AVL9: variants seen among roughly 807,000 people sequenced by gnomAD.
AVL9 encodes AVL9 cell migration associated.
AVL9 carries 49 observed loss-of-function variants against 79.2 expected under a neutral mutation model. That is an observed-to-expected ratio of 0.62 (90% CI 0.49 to 0.79). AVL9 has a LOEUF of 0.79. AVL9 is among the 30% of genes least tolerant of loss of function. The pLI, the probability that AVL9 is intolerant of heterozygous loss-of-function variation, is 0.00. For synonymous variants in AVL9, 299 were observed against 280.6 expected (o/e 1.07, Z -0.65); for missense variants, 682 against 776.8 (o/e 0.88, Z 1.45).
At chr7:32,556,484 A>G (rs1583570403) in intron 8 of AVL9, among the ~76,000 whole-genome samples, 2 of 152,214 alleles carry the variant, frequency 1.3e-5, no homozygotes, top group East Asian at 3.9e-4. Context: ...ACTGCACTCT[A>G]GCCTGGGTGA....
chr7:32,523,826 T>G (rs1175608574), intron 1 of AVL9, among the ~76,000 whole-genome samples: 2 of 149,950 alleles, frequency 1.3e-5, no homozygotes, highest in Non-Finnish European at 3.0e-5. Context: ...CTCCGCCTCC[T>G]GGGTTCACAC....
At chr7:32,565,481 C>G (rs886998750) in intron 10 of AVL9, among the ~76,000 whole-genome samples, 11 of 151,088 alleles carry the variant, frequency 7.3e-5, no homozygotes, top group African/African-American at 2.4e-4. Flanking sequence ...ATCGCTTGAA[C>G]CCAGGAGGCA....
chr7:32,565,338 T>A (rs543455811), intron 10 of AVL9, among the ~76,000 whole-genome samples: 3 of 152,242 alleles, frequency 2.0e-5, no homozygotes, highest in African/African-American at 7.2e-5. Context: ...GGCAGGCGGA[T>A]CACCTAAGAT....
intron 15 of AVL9, among the ~76,000 whole-genome samples, chr7:32,581,913 A>G (rs1791527837): frequency 6.6e-6 from 1 of 152,326 alleles, no homozygotes; most frequent in East Asian, 1.9e-4. Context: ...AACTCTGTCA[A>G]ATGTTTAAGG....
chr7:32,548,144 C>CTCTCTTTTTTTTTTTTTTTTTTTTTT (rs1227025763), intron 3 of AVL9, among the ~76,000 whole-genome samples: 1 of 57,598 alleles, frequency 1.7e-5, no homozygotes, highest in African/African-American at 5.4e-5. Flanking sequence ...TTTGTCATCT[C>CTCTCTTTTTTTTTTTTTTTTTTTTTT]TTTTTTCTTT....
At chr7:32,538,420 A>G (rs1160583057) in intron 1 of AVL9, 1 of 152,196 alleles carries the variant, frequency 6.6e-6, no homozygotes, top group African/African-American at 2.4e-5. Flanking sequence ...ATCATTTAGA[A>G]AATTGTTTTT....
At position 32,579,485 on chromosome 7, in the gene AVL9, AATATATTAC is replaced by A. The variant is rs1791322693; in HGVS notation, c.1689-729_1689-721del. Among the ~76,000 whole-genome samples the A allele has an allele frequency of 3.2e-3, 5 of 1,548 alleles. 1 individual carries two copies. The highest frequency in any genetic ancestry group is 4.8e-3 in the Non-Finnish European group (5 of 1,032). 1.0% of individuals were successfully genotyped at this position (1,548 alleles called of 152,430 possible). On this transcript the variant is annotated intron_variant, in intron 13 of 15. Coordinates refer to ENST00000318709, the MANE Select transcript of AVL9 (RefSeq NM_015060.3). ...ATATATAATATATTATATTATATAT[AATATATTAC>A]ATATTATATATTATATATTATATTA...
intron 13 of AVL9, among the ~76,000 whole-genome samples, chr7:32,576,767 CA>C (rs1791121333): frequency 6.6e-6 from 1 of 151,946 alleles, no homozygotes; most frequent in Admixed American, 6.6e-5. Flanking sequence ...GCCTGGGTAA[CA>C]AGAGGGAGAC....
chr7:32,544,312 A>G (rs181369174), intron 2 of AVL9, among the ~76,000 whole-genome samples: 85 of 152,312 alleles, frequency 5.6e-4, no homozygotes, highest in African/African-American at 1.9e-3. Context: ...CTAACATCCA[A>G]TCTGTGTTCA....
rs769258308 is a variant in AVL9 at position 32,543,134 on chromosome 7, A to G, written c.94-7A>G. ...CACCTTTTGGCTAACATTCCTTACTATTTTAGGTTGAATTCTCTTACCCGC... is the reference window on the plus strand; with the variant it reads ...CACCTTTTGGCTAACATTCCTTACTGTTTTAGGTTGAATTCTCTTACCCGC... On this transcript the variant is annotated splice_polypyrimidine_tract_variant and splice_region_variant and intron_variant, in intron 1 of 15. Transcript: ENST00000318709. 2 of 1,613,550 alleles carry G rather than the reference A, an allele frequency of 1.2e-6. No homozygotes were observed. Among genetic ancestry groups the G allele is most frequent in the Non-Finnish European group, 1.7e-6 (2 of 1,179,888 alleles).
At position 32,586,258 on chromosome 7, in the gene AVL9, T is replaced by C. The variant is rs1487360886; in HGVS notation, c.*2351T>C. On this transcript the variant is annotated 3_prime_UTR_variant, in exon 16 of 16. Transcript: ENST00000318709. ...TAGCTAAGAGTTTGACTCTTAGTGG[T>C]CACTTTACTGACTTTCCAACATAAA... 1 of 152,254 alleles carries C rather than the reference T, an allele frequency of 6.6e-6. No homozygotes were observed. Among genetic ancestry groups the C allele is most frequent in the Non-Finnish European group, 1.5e-5 (1 of 68,054 alleles). The allele number at this position is 152,254 out of a possible 1,614,324, so 9.4% of individuals were successfully genotyped here.
intron 3 of AVL9, among the ~76,000 whole-genome samples, chr7:32,547,329 A>G (rs570895412): frequency 2.6e-4 from 40 of 152,236 alleles, no homozygotes; most frequent in Non-Finnish European, 4.9e-4. Context: ...CTATGTGCAC[A>G]AATAGGGAAA....
At position 32,543,151 on chromosome 7, in the gene AVL9, C is replaced by T. The variant is rs1210060829; in HGVS notation, c.104C>T (p.Ser35Phe). The T allele has an allele frequency of 6.2e-7, 1 of 1,613,978 alleles. No individual in the cohort carries two copies. Residue 35 changes from serine (S) to phenylalanine (F), a missense_variant, in exon 2 of 16, where the codon TCT (serine) becomes TTT (phenylalanine). Transcript: ENST00000318709. The part of the protein sequence containing the change: ...HHKKGCQVEF[S>F]YPPLIPGDGH... ...TCCTTACTATTTTAGGTTGAATTCT[C>T]TTACCCGCCCCTGATTCCAGGAGAT... is the stretch of plus-strand genomic sequence containing the variant.
intron 15 of AVL9, among the ~76,000 whole-genome samples, chr7:32,583,570 T>C (rs900941812): frequency 6.6e-6 from 1 of 152,056 alleles, no homozygotes; most frequent in African/African-American, 2.4e-5. Flanking sequence ...TCCTAGCTAC[T>C]TGGGAAGCTG....
chr7:32,530,973 T>C (rs751206297), intron 1 of AVL9, among the ~76,000 whole-genome samples: 1 of 151,996 alleles, frequency 6.6e-6, no homozygotes, highest in Non-Finnish European at 1.5e-5. Context: ...AAAAAGAGTT[T>C]ATTTAAGAAC....
At chr7:32,543,384 T>C in intron 2 of AVL9, 123 bp downstream of exon 2, 1 of 1,215,774 alleles carries the variant, frequency 8.2e-7, no homozygotes, top group South Asian at 1.5e-5. Flanking sequence ...ATAAAATATT[T>C]ACATGCTTGT....
chr7:32,515,667 G>A (rs1207112192), intron 1 of AVL9, among the ~76,000 whole-genome samples: 2 of 152,044 alleles, frequency 1.3e-5, no homozygotes, highest in African/African-American at 4.8e-5. Flanking sequence ...ACTGAATTGG[G>A]GTTTCATCTT....
Position 32,579,445 on chromosome 7 carries a change from A to ATTAT in AVL9, c.1689-774_1689-773insTTAT, listed in dbSNP as rs1491113677. Among the ~76,000 whole-genome samples the ATTAT allele has an allele frequency of 1.4e-3, 9 of 6,556 alleles. 4 individuals are homozygous for ATTAT. The highest frequency in any genetic ancestry group is 2.1e-3 in the African/African-American group (2 of 948). The allele number at this position is 6,556 out of a possible 152,430, so 4.3% of individuals were successfully genotyped here. ...TATATATAATATATATATTATATAT[A>ATTAT]ATATATTATATATTATATATAATAT... On this transcript the variant is annotated intron_variant, in intron 13 of 15. Transcript: ENST00000318709.
At chr7:32,575,155 G>A (rs563510046) in intron 12 of AVL9, among the ~76,000 whole-genome samples, 10 of 152,190 alleles carry the variant, frequency 6.6e-5, no homozygotes, top group African/African-American at 2.4e-4. Flanking sequence ...CTGGAGTGCT[G>A]TGGCATGATG....
Sources: allele counts gnomAD v4.1 joint callset (sites outside exome capture counted in the v4.1 genomes callset), GRCh38; gene constraint gnomAD v4.1.1; transcripts MANE v1.5; gene names NCBI Gene and HGNC (gene_info 2026-07-23, HGNC 2026-07-21).